PFKFB3: variants seen among roughly 807,000 people sequenced by gnomAD.
The protein encoded by PFKFB3 is 6-phosphofructo-2-kinase/fructose-2,6-bisphosphatase 3.
A neutral mutation model predicts 68.0 loss-of-function variants in PFKFB3; 33 were observed. The observed-to-expected ratio is 0.49, with a 90% confidence interval of 0.37 to 0.65. PFKFB3 has a LOEUF of 0.65. Among genes scored for constraint, PFKFB3 ranks in the 30% least tolerant of loss-of-function variants. The pLI is 0.00. For missense variants in PFKFB3, 586 were observed against 712.2 expected (o/e 0.82, Z 2.02); for synonymous variants, 315 against 288.2 (o/e 1.09, Z -0.94).
the PFKFB3 span, among the ~76,000 whole-genome samples, chr10:6,321,354 G>T: frequency 2.0e-3 from 292 of 146,594 alleles, 1 homozygote; most frequent in Admixed American, 4.9e-3. Flanking sequence ...TAAGTTCTCA[G>T]TTTTTCTTTG....
Position 6,223,938 on chromosome 10 carries a change from G to T in PFKFB3, c.1214-20G>T, listed in dbSNP as rs973213022. On this transcript the variant is annotated intron_variant, in intron 11 of 14. Transcript: ENST00000379775. ...GGCCGTGTCTCATTTCTAACTGTGG[G>T]TGTACAATTTCAATTTCAGAGGAGA... 2 of 1,609,794 alleles carry T rather than the reference G, an allele frequency of 1.2e-6. No homozygotes were observed. Among genetic ancestry groups the T allele is most frequent in the Non-Finnish European group, 1.7e-6 (2 of 1,176,178 alleles).
intron 1 of PFKFB3, among the ~76,000 whole-genome samples, chr10:6,156,301 G>A (rs1176761255): frequency 1.3e-5 from 2 of 151,548 alleles, no homozygotes; most frequent in East Asian, 1.9e-4. Flanking sequence ...CCGCAGGTGT[G>A]CGCCACCACA....
At chr10:6,272,679 A>G in the PFKFB3 span, among the ~76,000 whole-genome samples, 1 of 152,072 alleles carries the variant, frequency 6.6e-6, no homozygotes, top group African/African-American at 2.4e-5. Flanking sequence ...TGGGTGACAG[A>G]GGGAGACTCT....
At chr10:6,307,507 CTTTT>C in the PFKFB3 span, among the ~76,000 whole-genome samples, 1 of 138,284 alleles carries the variant, frequency 7.2e-6, no homozygotes, top group Non-Finnish European at 1.6e-5. Flanking sequence ...ATCTCCTTCT[CTTTT>C]TCCTTCCTTC....
rs1462035725 is a variant in PFKFB3, at chr10:6,245,368, T to A, written c.1516-8810T>A. Among the ~76,000 whole-genome samples, 4 of 151,670 alleles carry A rather than the reference T, an allele frequency of 2.6e-5. No individual in the cohort carries two copies. In the East Asian group the frequency reaches 7.7e-4, roughly 29 times the overall value. On this transcript the variant is annotated intron_variant, in intron 14 of 14. Transcript: ENST00000640683. ...CCTTGGCCTCCCAAAGTGCTAGGAT[T>A]ACTGGCATGAGCTACTGCACCCGGC... is the stretch of plus-strand genomic sequence containing the variant.
chr10:6,214,264 G>A (rs1844415869), intron 2 of PFKFB3, among the ~76,000 whole-genome samples: 1 of 152,166 alleles, frequency 6.6e-6, no homozygotes, highest in Admixed American at 6.5e-5. Context: ...ACCCTATTGT[G>A]AACTGGGCAT....
chr10:6,219,568 G>A lies in PFKFB3; in HGVS notation c.499-1G>A. On this transcript the variant is annotated splice_acceptor_variant, in intron 6 of 14. Coordinates refer to ENST00000379775, the MANE Select transcript of PFKFB3 (RefSeq NM_004566.4). LOFTEE classifies it high-confidence loss of function. ...TCAGCCACCCCTTTGTGGTGTTGCAGGAAGTTAAAATCTCCAGCCCGGATT... is the reference window on the plus strand; with the variant it reads ...TCAGCCACCCCTTTGTGGTGTTGCAAGAAGTTAAAATCTCCAGCCCGGATT... 6.2e-7 allele frequency: 1 copy of A among 1,614,042 alleles called. No individual in the cohort carries two copies. The highest frequency in any genetic ancestry group is 8.5e-7 in the Non-Finnish European group (1 of 1,179,964).
upstream of PFKFB3, among the ~76,000 whole-genome samples, chr10:6,200,282 A>G (rs1396646128): frequency 6.6e-6 from 1 of 152,124 alleles, no homozygotes; most frequent in African/African-American, 2.4e-5. Context: ...TCATCGTATT[A>G]GAGGAACATT....
Position 6,245,527 on chromosome 10 carries a change from C to T in PFKFB3, c.1516-8651C>T, listed in dbSNP as rs180928172. Among the ~76,000 whole-genome samples the T allele has an allele frequency of 4.6e-5, 7 of 152,150 alleles. No individual in the cohort carries two copies. The East Asian group carries it at 5.8e-4, about 13-fold the overall frequency. ...AACTTCCTAGGTTCAAGGGATCCTC[C>T]GTCCTCAGCCTCCCCCGTAGCTGGG... On this transcript the variant is annotated intron_variant, in intron 14 of 14. Transcript: ENST00000640683.
Position 6,206,807 on chromosome 10 carries a change from GGCCGGGCAGAGAC to G in PFKFB3, c.76+3474_76+3486del, listed in dbSNP as rs1843764845. Among the ~76,000 whole-genome samples, 4 of 36,732 alleles carry G rather than the reference GGCCGGGCAGAGAC, an allele frequency of 1.1e-4. 1 individual carries two copies. Among genetic ancestry groups the G allele is most frequent in the East Asian group, 1.4e-3 (2 of 1,464 alleles). The allele number at this position is 36,732 out of a possible 152,430, so 24.1% of individuals were successfully genotyped here. On this transcript the variant is annotated intron_variant, in intron 1 of 14. Coordinates refer to ENST00000379775, the MANE Select transcript of PFKFB3 (RefSeq NM_004566.4). Reference sequence around the variant, plus strand: ...GGTCCTCACATCCCAGACGATGGGCGGCCGGGCAGAGACGCTCCTCACTTCCCAGACGGGGTGG... The same window carrying G: ...GGTCCTCACATCCCAGACGATGGGCGGCTCCTCACTTCCCAGACGGGGTGG...
At chr10:6,175,636 A>T (rs1314642249) in intron 1 of PFKFB3, among the ~76,000 whole-genome samples, 1 of 152,258 alleles carries the variant, frequency 6.6e-6, no homozygotes, top group African/African-American at 2.4e-5. Context: ...CTGTAGAGAA[A>T]GACAAAAACA....
intron 1 of PFKFB3, among the ~76,000 whole-genome samples, chr10:6,168,769 G>A (rs186758519): frequency 3.0e-4 from 46 of 152,260 alleles, no homozygotes; most frequent in African/African-American, 1.1e-3. Flanking sequence ...GTCTGTTTGA[G>A]CCCTTACATT....
At chr10:6,163,040 A>G (rs540936454) in intron 1 of PFKFB3, among the ~76,000 whole-genome samples, 1 of 152,238 alleles carries the variant, frequency 6.6e-6, no homozygotes, top group Admixed American at 6.5e-5. Flanking sequence ...CCCCCGTCCC[A>G]TAATTGTATC....
At chr10:6,196,752 C>T (rs1380472085) in intron 1 of PFKFB3, among the ~76,000 whole-genome samples, 1 of 152,054 alleles carries the variant, frequency 6.6e-6, no homozygotes, top group African/African-American at 2.4e-5. Flanking sequence ...ATGTTAATCT[C>T]CTTTGGCAAC....
chr10:6,177,757 C>T (rs1164300245), intron 1 of PFKFB3, among the ~76,000 whole-genome samples: 2 of 152,114 alleles, frequency 1.3e-5, no homozygotes, highest in South Asian at 2.1e-4. Context: ...CTCCCGACCT[C>T]AGGTGATCTA....
chr10:6,225,332 T>C (rs1588527365), intron 13 of PFKFB3: 1 of 406,290 alleles, frequency 2.5e-6, no homozygotes, highest in East Asian at 7.4e-5. Flanking sequence ...GGCAGTTGCC[T>C]GGCTGGTGGG....
At chr10:6,177,447 T>C (rs12247074) in intron 1 of PFKFB3, among the ~76,000 whole-genome samples, 428 of 85,610 alleles carry the variant, frequency 5.0e-3, no homozygotes, top group Middle Eastern at 0.019. Context: ...TCTCTTTCTT[T>C]CTTTCTTTCT....
Position 6,151,726 on chromosome 10 carries a change from C to T in PFKFB3, c.16+6713C>T, listed in dbSNP as rs553922679. 1.0e-3 allele frequency among the ~76,000 whole-genome samples: 158 copies of T among 152,270 alleles called. No homozygotes were observed. The Middle Eastern group carries it at 0.017, about 16-fold the overall frequency. The stretch of plus-strand genomic sequence containing the variant: ...CGGGAAGTCGGGAGGGTACCCTCCC[C>T]GCTCCCTGAGAAGTGTGGACTTTCA... On this transcript the variant is annotated intron_variant, in intron 1 of 14. Coordinates refer to the PFKFB3 transcript ENST00000379789.
intron 1 of PFKFB3, among the ~76,000 whole-genome samples, chr10:6,164,991 A>G (rs1287773268): frequency 1.3e-5 from 2 of 151,038 alleles, no homozygotes; most frequent in African/African-American, 4.9e-5. Flanking sequence ...TCTTATCTCA[A>G]CTGCAAAGAG....
Sources: allele counts gnomAD v4.1 joint callset (sites outside exome capture counted in the v4.1 genomes callset), GRCh38; gene constraint gnomAD v4.1.1; transcripts MANE v1.5; gene names NCBI Gene and HGNC (gene_info 2026-07-23, HGNC 2026-07-21).